The following RHOA variants were observed in gnomAD, a reference collection of about 807,000 sequenced individuals.
RHOA encodes transforming protein RhoA.
In RHOA, 3 loss-of-function variants were observed where a neutral mutation model predicts 17.5. The observed-to-expected ratio is 0.17, with a 90% CI of 0.08 to 0.44. The LOEUF (loss-of-function observed/expected upper bound fraction) is 0.44, where lower values mean the gene tolerates loss of function less well. RHOA is among the 20% of genes least tolerant of loss of function. The pLI is 0.99. For missense variants in RHOA, 56 were observed against 242.3 expected, an observed-to-expected ratio of 0.23 and a Z score of 5.10; for synonymous variants, 98 against 88.4, an observed-to-expected ratio of 1.11 and a Z score of -0.61.
chr3:49,363,277 G>A (rs946530944), intron 3 of RHOA, among the ~76,000 whole-genome samples: 9 of 152,034 alleles, frequency 5.9e-5, no homozygotes, highest in East Asian at 5.8e-4. Flanking sequence ...AAAATTAGCC[G>A]GGTGTAGTGG....
intron 1 of RHOA, among the ~76,000 whole-genome samples, chr3:49,383,291 G>A (rs1171733522): frequency 1.3e-5 from 2 of 151,246 alleles, no homozygotes; most frequent in South Asian, 4.2e-4. Context: ...ATGGTGGCAG[G>A]CGCCTGTAGT....
chr3:49,363,688 C>T (rs967933763), intron 3 of RHOA, among the ~76,000 whole-genome samples: 34 of 151,050 alleles, frequency 2.3e-4, no homozygotes, highest in African/African-American at 8.0e-4. Flanking sequence ...CTCATCTCTA[C>T]TAAAATTACT....
At chr3:49,378,494 G>A (rs2048268886) in intron 1 of RHOA, among the ~76,000 whole-genome samples, 1 of 152,028 alleles carries the variant, frequency 6.6e-6, no homozygotes, top group East Asian at 1.9e-4. Flanking sequence ...TGATCTACTC[G>A]CCTCGGCCTC....
chr3:49,375,929 C>T (rs2048218764), intron 1 of RHOA, among the ~76,000 whole-genome samples: 1 of 151,970 alleles, frequency 6.6e-6, no homozygotes, highest in African/African-American at 2.4e-5. Context: ...TTCACTGCAA[C>T]CTCCAGCCTC....
At chr3:49,387,171 G>A (rs865971364) in intron 1 of RHOA, among the ~76,000 whole-genome samples, 3 of 135,518 alleles carry the variant, frequency 2.2e-5, no homozygotes, top group Non-Finnish European at 4.6e-5. Context: ...CAGGCCGGGC[G>A]TGGTGGCTCA....
intron 1 of RHOA, among the ~76,000 whole-genome samples, chr3:49,381,355 A>C (rs557619853): frequency 3.3e-5 from 5 of 151,462 alleles, no homozygotes; most frequent in East Asian, 1.9e-4. Flanking sequence ...CAGTAAGCCG[A>C]TATCTCGCCA....
At chr3:49,370,335 T>C (rs917672186) in intron 2 of RHOA, among the ~76,000 whole-genome samples, 1 of 152,194 alleles carries the variant, frequency 6.6e-6, no homozygotes, top group Non-Finnish European at 1.5e-5. Context: ...CTGTAGCTTA[T>C]AAAAGTGTTT....
At chr3:49,380,970 T>C (rs1479181424) in intron 1 of RHOA, among the ~76,000 whole-genome samples, 3 of 151,806 alleles carry the variant, frequency 2.0e-5, no homozygotes, top group African/African-American at 7.3e-5. Flanking sequence ...ATTATAGAAT[T>C]TTATCCAAAT....
intron 1 of RHOA, among the ~76,000 whole-genome samples, chr3:49,387,527 C>T (rs1327228515): frequency 6.8e-6 from 1 of 148,086 alleles, no homozygotes; most frequent in East Asian, 2.0e-4. Flanking sequence ...GGGCAGATCA[C>T]GAGGTCAGCA....
chr3:49,361,041 T>A (rs1575639514), intron 4 of RHOA: 1 of 152,748 alleles, frequency 6.5e-6, no homozygotes, highest in Admixed American at 7.3e-5. Context: ...GCCACAGCAC[T>A]CCAGCCTGGC....
chr3:49,389,467 TTGGAAGGACTTAACTC>T (rs561894618), intron 1 of RHOA, among the ~76,000 whole-genome samples: 32 of 152,252 alleles, frequency 2.1e-4, no homozygotes, highest in African/African-American at 7.0e-4. Flanking sequence ...TAGGCCCATC[TTGGAAGGACTTAACTC>T]CAGAACAGGT....
chr3:49,384,047 G>A (rs940535891), intron 1 of RHOA, among the ~76,000 whole-genome samples: 12 of 151,878 alleles, frequency 7.9e-5, no homozygotes, highest in African/African-American at 2.7e-4. Flanking sequence ...AGAAAGAAAA[G>A]AAAAAGAAAA....
chr3:49,369,266 G>A (rs1268450015), intron 2 of RHOA, among the ~76,000 whole-genome samples: 4 of 140,378 alleles, frequency 2.8e-5, no homozygotes, highest in African/African-American at 5.1e-5. Flanking sequence ...CTCGTGATCC[G>A]CCTGCCTCGG....
At chr3:49,391,256 G>T (rs1300637770) in intron 1 of RHOA, among the ~76,000 whole-genome samples, 1 of 151,178 alleles carries the variant, frequency 6.6e-6, no homozygotes, top group African/African-American at 2.4e-5. Context: ...GCCAGGTGTG[G>T]TAGTACACAC....
At chr3:49,389,670 G>A (rs1271003072) in intron 1 of RHOA, among the ~76,000 whole-genome samples, 10 of 152,112 alleles carry the variant, frequency 6.6e-5, no homozygotes, top group African/African-American at 2.4e-4. Flanking sequence ...AGCCGGGCGC[G>A]GTGGCTTACG....
At chr3:49,404,981 C>G (rs1002700672) in intron 1 of RHOA, among the ~76,000 whole-genome samples, 2 of 149,952 alleles carry the variant, frequency 1.3e-5, no homozygotes, top group African/African-American at 4.9e-5. Context: ...GGCGCGGTGG[C>G]TCACACCTAT....
chr3:49,376,446 A>C (rs1345242218), intron 1 of RHOA, among the ~76,000 whole-genome samples: 5 of 150,776 alleles, frequency 3.3e-5, no homozygotes, highest in Non-Finnish European at 7.4e-5. Flanking sequence ...GATCGAGACC[A>C]TCCTGGCTAA....
intron 2 of RHOA, among the ~76,000 whole-genome samples, chr3:49,374,522 C>A (rs1362101891): frequency 2.0e-5 from 3 of 151,956 alleles, no homozygotes; most frequent in African/African-American, 7.3e-5. Flanking sequence ...AGCTTGAGAC[C>A]AGCCTGGCCA....
intron 1 of RHOA, among the ~76,000 whole-genome samples, chr3:49,408,682 C>T (rs923737805): frequency 4.6e-5 from 7 of 152,080 alleles, no homozygotes; most frequent in Middle Eastern, 3.2e-3. Flanking sequence ...AGGCATGTAA[C>T]ATTAAGTTCA....
Sources: gnomAD v4.1 joint callset for allele counts (sites outside exome capture counted in the v4.1 genomes callset) on GRCh38, gnomAD v4.1.1 for gene constraint, MANE v1.5 for transcripts, NCBI Gene and HGNC (gene_info 2026-07-23, HGNC 2026-07-21) for gene names.